The following CEP112 variants were observed in gnomAD, a reference collection of about 807,000 sequenced individuals.
The protein encoded by CEP112 is centrosomal protein 112, also known as centrosomal protein of 112 kDa.
Under a neutral mutation model 153.0 loss-of-function variants are expected in CEP112, and 127 were observed. The ratio of observed to expected loss-of-function variants is 0.83; its 90% CI spans 0.72 to 0.96. CEP112 has a LOEUF of 0.96. Ranked by LOEUF, CEP112 falls within the 40% of genes least tolerant of loss-of-function variation. The pLI is 0.00. For missense variants in CEP112, 1,089 were observed against 1,101.2 expected (o/e 0.99, Z 0.16); for synonymous variants, 358 against 374.4 (o/e 0.96, Z 0.51).
chr17:66,126,716 T>C (rs1437114390), intron 6 of CEP112, among the ~76,000 whole-genome samples: 2 of 152,204 alleles, frequency 1.3e-5, no homozygotes, highest in Non-Finnish European at 2.9e-5. Context: ...AGAATACATT[T>C]GGGAATTTGA....
chr17:65,902,386 T>A, intron 19 of CEP112, 52 bp from the exon 20 acceptor site: 1 of 1,487,946 alleles, frequency 6.7e-7, no homozygotes, highest in Non-Finnish European at 9.1e-7. Context: ...CTTGTCGTCA[T>A]GACAACTCAT....
At chr17:65,658,479 G>C (rs892620780) in intron 24 of CEP112, among the ~76,000 whole-genome samples, 9 of 152,258 alleles carry the variant, frequency 5.9e-5, no homozygotes, top group African/African-American at 9.6e-5. Flanking sequence ...CATGTGCCTA[G>C]AAGAAGGGTG....
chr17:66,113,436 T>C (rs1371282425), intron 6 of CEP112, among the ~76,000 whole-genome samples: 1 of 152,148 alleles, frequency 6.6e-6, no homozygotes, highest in Non-Finnish European at 1.5e-5. Flanking sequence ...TTTCCAAAGA[T>C]GCTCAAGCAC....
intron 12 of CEP112, among the ~76,000 whole-genome samples, chr17:66,046,438 TAAACA>T (rs1379741967): frequency 6.6e-6 from 1 of 152,226 alleles, no homozygotes; most frequent in Non-Finnish European, 1.5e-5. Context: ...CTGAGCAACC[TAAACA>T]AAATAGAAAA....
At chr17:65,987,774 C>T (rs950506705) in intron 17 of CEP112, among the ~76,000 whole-genome samples, 1 of 152,182 alleles carries the variant, frequency 6.6e-6, no homozygotes, top group African/African-American at 2.4e-5. Context: ...TCCATGTATA[C>T]AATGTCCCTC....
intron 23 of CEP112, among the ~76,000 whole-genome samples, chr17:65,697,446 T>G (rs1301940582): frequency 6.6e-6 from 1 of 152,228 alleles, no homozygotes; most frequent in African/African-American, 2.4e-5. Flanking sequence ...AGTAAATGTT[T>G]TTCTTTCTAC....
At chr17:65,859,998 G>C (rs905963266) in intron 20 of CEP112, among the ~76,000 whole-genome samples, 2 of 142,440 alleles carry the variant, frequency 1.4e-5, no homozygotes, top group Non-Finnish European at 3.0e-5. Context: ...CCAGGAGACA[G>C]TGTGAGACTC....
intron 23 of CEP112, among the ~76,000 whole-genome samples, chr17:65,739,388 ATAAAGAAGAT>A (rs1487623684): frequency 6.6e-6 from 1 of 152,250 alleles, no homozygotes; most frequent in South Asian, 2.1e-4. Context: ...TAAATAAGTG[ATAAAGAAGAT>A]TTTTTTGCTC....
intron 21 of CEP112, among the ~76,000 whole-genome samples, chr17:65,832,104 T>C (rs568760117): frequency 4.6e-5 from 7 of 152,074 alleles, no homozygotes; most frequent in Non-Finnish European, 8.8e-5. Flanking sequence ...GGGTAAATAA[T>C]GAAATTAAGG....
intron 19 of CEP112, among the ~76,000 whole-genome samples, chr17:65,916,624 G>A (rs964699772): frequency 6.6e-6 from 1 of 151,388 alleles, no homozygotes; most frequent in Non-Finnish European, 1.5e-5. Context: ...AAAGCTCACT[G>A]TAACCTTGAA....
chr17:66,044,910 T>A (rs1242442713), intron 12 of CEP112, among the ~76,000 whole-genome samples: 1 of 152,144 alleles, frequency 6.6e-6, no homozygotes. Flanking sequence ...GATTTATTTG[T>A]ATCCTAAATA....
intron 5 of CEP112, among the ~76,000 whole-genome samples, chr17:66,130,206 T>C (rs1007532332): frequency 6.6e-6 from 1 of 151,882 alleles, no homozygotes; most frequent in East Asian, 1.9e-4. Context: ...TAACAATATA[T>C]TCACACAGCA....
chr17:66,011,532 C>T (rs183767902), intron 16 of CEP112, among the ~76,000 whole-genome samples: 176 of 152,080 alleles, frequency 1.2e-3, no homozygotes, highest in African/African-American at 4.2e-3. Flanking sequence ...TGGCTGTCAG[C>T]GATTTTCTTA....
At chr17:66,061,692 G>A (rs78112781) in intron 11 of CEP112, among the ~76,000 whole-genome samples, 259 of 152,168 alleles carry the variant, frequency 1.7e-3, no homozygotes, top group African/African-American at 5.9e-3. Flanking sequence ...AATAAACTGG[G>A]AGCAGAAAAA....
At chr17:65,800,682 C>T (rs2055214709) in intron 21 of CEP112, among the ~76,000 whole-genome samples, 1 of 152,188 alleles carries the variant, frequency 6.6e-6, no homozygotes, top group African/African-American at 2.4e-5. Flanking sequence ...GAGAAACCAT[C>T]AAACTGTTTT....
chr17:66,026,717 C>G (rs1036028133), intron 16 of CEP112, among the ~76,000 whole-genome samples: 2 of 152,190 alleles, frequency 1.3e-5, no homozygotes, highest in African/African-American at 4.8e-5. Context: ...ATATAACCTA[C>G]ACACATCCTC....
intron 19 of CEP112, among the ~76,000 whole-genome samples, chr17:65,910,269 C>T (rs1330235560): frequency 6.6e-6 from 1 of 152,110 alleles, no homozygotes; most frequent in East Asian, 1.9e-4. Flanking sequence ...TACTGAAATT[C>T]AGAGGAGGAC....
At chr17:65,649,561 A>T (rs936320436) in intron 24 of CEP112, among the ~76,000 whole-genome samples, 2 of 141,318 alleles carry the variant, frequency 1.4e-5, no homozygotes, top group African/African-American at 6.0e-5. Context: ...TACTAAAAAT[A>T]AAAAAAAATT....
chr17:65,717,882 C>T (rs964034118), intron 23 of CEP112, among the ~76,000 whole-genome samples: 2 of 152,074 alleles, frequency 1.3e-5, no homozygotes, highest in Admixed American at 6.6e-5. Context: ...TGAACTGAAC[C>T]GTCCACTGAC....
Sources: gnomAD v4.1 joint callset for allele counts (sites outside exome capture counted in the v4.1 genomes callset) on GRCh38, gnomAD v4.1.1 for gene constraint, MANE v1.5 for transcripts, NCBI Gene and HGNC (gene_info 2026-07-23, HGNC 2026-07-21) for gene names.